The following TMEM255A variants were observed in gnomAD, a reference collection of about 807,000 sequenced individuals.
TMEM255A encodes family with sequence similarity 70, member A.
Under a neutral mutation model 23.5 loss-of-function variants are expected in TMEM255A, and 14 were observed. That is an observed-to-expected ratio of 0.60 (90% CI 0.39 to 0.93). The LOEUF is 0.93. TMEM255A is among the 40% of genes least tolerant of loss of function. The probability of loss-of-function intolerance (pLI) is 0.00; values close to 1 mark genes in which losing one functional copy is unlikely to be tolerated. For synonymous variants in TMEM255A, 104 were observed against 100.3 expected (o/e 1.04, Z -0.22); for missense variants, 233 against 261.7 (o/e 0.89, Z 0.76).
At position 120,268,312 on chromosome X, in the gene TMEM255A, C is replaced by T. The variant is rs2057731027; in HGVS notation, c.751G>A (p.Val251Met). The T allele has an allele frequency of 8.3e-7, 1 of 1,207,864 alleles. No individual in the cohort carries two copies. Among genetic ancestry groups the T allele is most frequent in the African/African-American group, 1.8e-5 (1 of 57,011 alleles). ...TGGTAGTAGGTATTGTAGGATGCCA[C>T]TTGGGGATGAGCATAGTAAGAAACT... ...PTVSYYAHPQ[V>M]ASYNTYYHSP... Residue 251 changes from valine (V) to methionine (M), a missense_variant, in exon 8 of 9, where the codon GTG becomes ATG. Coordinates refer to ENST00000371369, the MANE Select transcript of TMEM255A (RefSeq NM_001104544.3).
Position 120,296,880 on chromosome X carries a change from T to TTATATATATA in TMEM255A, c.202-2830_202-2829insTATATATATA, listed in dbSNP as rs2057979433. 4.3e-4 allele frequency among the ~76,000 whole-genome samples: 5 copies of TTATATATATA among 11,699 alleles called. 2 individuals are homozygous for TTATATATATA. Among genetic ancestry groups the TTATATATATA allele is most frequent in the Non-Finnish European group, 5.8e-4 (5 of 8,671 alleles). 10.2% of individuals were successfully genotyped at this position (11,699 alleles called of 115,157 possible). The stretch of plus-strand genomic sequence containing the variant: ...AATATATAATATATTATATATCATA[T>TTATATATATA]ATATTATATATGATATATATAATAT... On this transcript the variant is annotated intron_variant, in intron 2 of 8. Coordinates refer to ENST00000371369, the MANE Select transcript of TMEM255A (RefSeq NM_001104544.3).
At position 120,277,065 on chromosome X, in the gene TMEM255A, T is replaced by C. The variant is rs1556019999; in HGVS notation, c.513-18A>G. The C allele has an allele frequency of 8.3e-7, 1 of 1,197,987 alleles. No homozygotes were observed. The highest frequency in any genetic ancestry group is 3.0e-5 in the East Asian group (1 of 33,638). On this transcript the variant is annotated intron_variant, in intron 6 of 8. Coordinates refer to ENST00000371369, the MANE Select transcript of TMEM255A (RefSeq NM_001104544.3). ...CCACCCGGCTGGACAGGGAGGAGCA[T>C]GCTCCAGTCAGTCCCCAGGGAGCAG...
At position 120,293,917 on chromosome X, in the gene TMEM255A, G is replaced by A. The variant is rs535823541; in HGVS notation, c.264+72C>T. The stretch of plus-strand genomic sequence containing the variant: ...ACCAAATCACACAAACTTAAGAAAT[G>A]TGTTACTTATCCACATAAATGTTGT... On this transcript the variant is annotated intron_variant, in intron 3 of 8. Coordinates refer to ENST00000371369, the MANE Select transcript of TMEM255A (RefSeq NM_001104544.3). 4.9e-4 allele frequency: 377 copies of A among 774,757 alleles called. 1 individual carries two copies. The South Asian group carries it at 7.7e-3, about 16-fold the overall frequency. 63.8% of individuals were successfully genotyped at this position (774,757 alleles called of 1,213,427 possible).
Position 120,269,549 on chromosome X carries a change from G to A in TMEM255A, c.676-1162C>T, listed in dbSNP as rs183759591. On this transcript the variant is annotated intron_variant, in intron 7 of 8. Coordinates refer to ENST00000371369, the MANE Select transcript of TMEM255A (RefSeq NM_001104544.3). ...AACCATGTTAGGGTGTTGGCAGGGG[G>A]AAACTCCCTTCCAGCAAGTTTCAAC... Among the ~76,000 whole-genome samples, 170 of 111,840 alleles carry A rather than the reference G, an allele frequency of 1.5e-3. 1 individual carries two copies. The highest frequency in any genetic ancestry group is 2.5e-3 in the Non-Finnish European group (133 of 53,097).
Position 120,304,479 on chromosome X carries a change from C to G in TMEM255A, c.71G>C (p.Arg24Pro). 1 of 1,208,716 alleles carries G rather than the reference C, an allele frequency of 8.3e-7. No individual in the cohort carries two copies. Among genetic ancestry groups the G allele is most frequent in the Non-Finnish European group, 1.1e-6 (1 of 894,087 alleles). ...GACATAGATGGAGTTTCGTTTCCTC[C>G]GATTGAATGCTCCTGAAAGCACAGA... ...SLPDSMGAFN[R>P]RKRNSIYVTV... Residue 24 changes from arginine to proline, a missense_variant, in exon 2 of 9, where the codon CGG becomes CCG. Arg to Pro is a moderately radical substitution (Grantham distance 103). Transcript: ENST00000371369.
chrX:120,308,930 T>C (rs1556027656), intron 1 of TMEM255A, among the ~76,000 whole-genome samples: 1 of 112,885 alleles, frequency 8.9e-6, no homozygotes, highest in African/African-American at 3.2e-5. Flanking sequence ...TTAAATTTTA[T>C]TGTTTTGGTT....
downstream of TMEM255A, chrX:120,253,686 G>A (rs1556014712): frequency 8.3e-7 from 1 of 1,211,774 alleles, no homozygotes; most frequent in Admixed American, 2.2e-5. Context: ...TTCTAAAATT[G>A]TTCGTGTTAG....
intron 6 of TMEM255A, among the ~76,000 whole-genome samples, chrX:120,279,998 C>CTTTTTTTTTTTTTTTTTTTT (rs59428362): frequency 5.0e-4 from 19 of 38,222 alleles, no homozygotes; most frequent in East Asian, 2.0e-3. Flanking sequence ...CCTTTTCTTT[C>CTTTTTTTTTTTTTTTTTTTT]TTTTTTTTTT....
At chrX:120,268,172 T>A in intron 8 of TMEM255A, 72 bp downstream of exon 8, 1 of 1,068,972 alleles carries the variant, frequency 9.4e-7, no homozygotes, top group South Asian at 2.4e-5. Context: ...CATAATTGAA[T>A]TTAGGGAGAG....
intron 7 of TMEM255A, among the ~76,000 whole-genome samples, chrX:120,275,632 T>C (rs897234205): frequency 2.7e-5 from 3 of 109,548 alleles, no homozygotes; most frequent in Non-Finnish European, 3.8e-5. Flanking sequence ...ATGTGGGATG[T>C]TCATTTAAAG....
intron 5 of TMEM255A, chrX:120,285,637 C>T: frequency 8.3e-7 from 1 of 1,211,505 alleles, no homozygotes; most frequent in Non-Finnish European, 1.1e-6. Context: ...CTCTAGCTGC[C>T]TGGGTAAGGT....
chrX:120,304,705 T>C (rs1220455340), intron 1 of TMEM255A, among the ~76,000 whole-genome samples: 1 of 111,505 alleles, frequency 9.0e-6, no homozygotes, highest in Non-Finnish European at 1.9e-5. Context: ...TATTTCCAAT[T>C]TGAAAATAAA....
chrX:120,283,645 G>A (rs191925410), intron 6 of TMEM255A, among the ~76,000 whole-genome samples: 1 of 111,668 alleles, frequency 9.0e-6, no homozygotes, highest in Non-Finnish European at 1.9e-5. Flanking sequence ...TGCATGGAGA[G>A]GTGTTCACTC....
intron 4 of TMEM255A, among the ~76,000 whole-genome samples, chrX:120,289,450 C>G (rs1203090060): frequency 9.0e-6 from 1 of 111,385 alleles, no homozygotes; most frequent in Non-Finnish European, 1.9e-5. Context: ...CAGGAAAATG[C>G]AAATCAAAAC....
intron 2 of TMEM255A, among the ~76,000 whole-genome samples, chrX:120,300,070 G>A (rs2058023120): frequency 8.9e-6 from 1 of 111,924 alleles, no homozygotes; most frequent in South Asian, 3.7e-4. Flanking sequence ...TATAGCAGCT[G>A]AGGAGAGGGT....
intron 8 of TMEM255A, among the ~76,000 whole-genome samples, chrX:120,266,072 TGACCCCA>T (rs1334467505): frequency 1.9e-5 from 2 of 106,995 alleles, no homozygotes; most frequent in Non-Finnish European, 3.9e-5. Flanking sequence ...GAGAATCGCT[TGACCCCA>T]GGAGGTGGAG....
intron 2 of TMEM255A, among the ~76,000 whole-genome samples, chrX:120,301,277 T>C (rs1478863914): frequency 5.3e-5 from 6 of 112,369 alleles, no homozygotes; most frequent in African/African-American, 1.9e-4. Context: ...TCACAATATT[T>C]AAATGATTTG....
At chrX:120,310,821 C>T in intron 1 of TMEM255A, among the ~76,000 whole-genome samples, 1 of 101,972 alleles carries the variant, frequency 9.8e-6, no homozygotes, top group Middle Eastern at 5.0e-3. Flanking sequence ...TGGGAGGGGG[C>T]GAGGACCCTG....
At chrX:120,261,895 G>A (rs2057683168) in intron 8 of TMEM255A, among the ~76,000 whole-genome samples, 1 of 111,996 alleles carries the variant, frequency 8.9e-6, no homozygotes, top group Non-Finnish European at 1.9e-5. Flanking sequence ...GTATCCTCCA[G>A]AGCTCAGAAC....
Sources: gnomAD v4.1 joint callset for allele counts (sites outside exome capture counted in the v4.1 genomes callset) on GRCh38, gnomAD v4.1.1 for gene constraint, MANE v1.5 for transcripts, NCBI Gene and HGNC (gene_info 2026-07-23, HGNC 2026-07-21) for gene names.